TNIP3: variants seen among roughly 807,000 people sequenced by gnomAD.
The protein encoded by TNIP3 is TNFAIP3 interacting protein 3, also known as TNFAIP3-interacting protein 3.
Under a neutral mutation model 54.1 loss-of-function variants are expected in TNIP3, and 34 were observed. The observed-to-expected ratio is 0.63, with a 90% CI of 0.48 to 0.84. The LOEUF (loss-of-function observed/expected upper bound fraction) is 0.84, where lower values mean the gene tolerates loss of function less well. Among genes scored for constraint, TNIP3 ranks in the 40% least tolerant of loss-of-function variants. The probability of loss-of-function intolerance (pLI) is 0.00; values close to 1 mark genes in which losing one functional copy is unlikely to be tolerated. For synonymous variants in TNIP3, 134 were observed against 136.8 expected, an observed-to-expected ratio of 0.98 and a Z score of 0.14; for missense variants, 366 against 387.6, an observed-to-expected ratio of 0.94 and a Z score of 0.47.
At chr4:121,195,924 A>G (rs890378998) in intron 2 of TNIP3, among the ~76,000 whole-genome samples, 3 of 152,190 alleles carry the variant, frequency 2.0e-5, no homozygotes, top group Admixed American at 1.3e-4. Context: ...AATAAATGAC[A>G]TTTACACTCA....
intron 1 of TNIP3, 101 bp from the exon 2 acceptor site, chr4:121,161,317 T>C (rs960156282): frequency 3.8e-5 from 37 of 979,338 alleles, no homozygotes; most frequent in Middle Eastern, 2.1e-4. Flanking sequence ...AACTCTCCTG[T>C]TGCGATTTAA....
rs1290859825 is a variant in TNIP3 at position 121,164,108 on chromosome 4, C to G, written c.18G>C (p.Gln6His). 6.2e-7 allele frequency: 1 copy of G among 1,613,724 alleles called. No individual in the cohort carries two copies. Among genetic ancestry groups the G allele is most frequent in the African/African-American group, 1.3e-5 (1 of 74,980 alleles). ...CTGCGGCAATCATTCTAGATGTGCCCTGTACAAAATGTGCCATGGAAGCTG... is the reference window on the plus strand; with the variant it reads ...CTGCGGCAATCATTCTAGATGTGCCGTGTACAAAATGTGCCATGGAAGCTG... MAHFV[Q>H]GTSRMIAAES... Residue 6 changes from glutamine to histidine, a missense_variant, in exon 1 of 11, where the codon CAG becomes CAC. Gln to His is a conservative substitution (Grantham distance 24). Coordinates refer to ENST00000057513, the MANE Select transcript of TNIP3 (RefSeq NM_024873.6).
upstream of TNIP3, among the ~76,000 whole-genome samples, chr4:121,168,239 C>T (rs931579497): frequency 2.0e-5 from 3 of 152,050 alleles, no homozygotes; most frequent in Non-Finnish European, 2.9e-5. Flanking sequence ...CAGAGTCTCG[C>T]TCTGTCACCC....
chr4:121,158,994 C>T (rs1730282575), intron 2 of TNIP3, among the ~76,000 whole-genome samples: 1 of 152,198 alleles, frequency 6.6e-6, no homozygotes, highest in Admixed American at 6.5e-5. Flanking sequence ...GTAATCCCAC[C>T]ACTCTGGGAG....
upstream of TNIP3, among the ~76,000 whole-genome samples, chr4:121,219,168 C>A (rs184301356): frequency 2.0e-5 from 3 of 152,082 alleles, no homozygotes; most frequent in East Asian, 5.8e-4. Context: ...CCATTGCTCT[C>A]CAGCCTGGGC....
intron 10 of TNIP3, among the ~76,000 whole-genome samples, chr4:121,136,264 C>T: frequency 6.6e-6 from 1 of 152,110 alleles, no homozygotes; most frequent in Non-Finnish European, 1.5e-5. Context: ...GGGTTAAATG[C>T]TAGTCATATT....
chr4:121,172,400 C>T lies in TNIP3; in HGVS notation c.190-8254G>A, dbSNP rs1047906585. On this transcript the variant is annotated intron_variant, in intron 3 of 12. Coordinates refer to the TNIP3 transcript ENST00000507879. ...TAAGGACTAGAGATGTGCTGAGTGACCTGGAAGCTTTAGTGATTGCCAGTG... is the reference window on the plus strand; with the variant it reads ...TAAGGACTAGAGATGTGCTGAGTGATCTGGAAGCTTTAGTGATTGCCAGTG... Among the ~76,000 whole-genome samples the T allele has an allele frequency of 9.9e-5, 15 of 152,234 alleles. No homozygotes were observed. In the Middle Eastern group the frequency reaches 0.017, roughly 173 times the overall value.
intron 2 of TNIP3, among the ~76,000 whole-genome samples, chr4:121,211,114 G>A (rs999466277): frequency 3.9e-5 from 6 of 152,116 alleles, no homozygotes; most frequent in Non-Finnish European, 8.8e-5. Context: ...AAATGTCCCT[G>A]ACATAGAAAT....
chr4:121,142,060 T>C (rs930171765), intron 8 of TNIP3, 146 bp from the exon 9 acceptor site: 4 of 492,328 alleles, frequency 8.1e-6, no homozygotes, highest in Non-Finnish European at 1.4e-5. Context: ...AACATGTCAA[T>C]AGACTCAGGA....
chr4:121,194,360 AAAGAT>A (rs1340145693), intron 2 of TNIP3, among the ~76,000 whole-genome samples: 1 of 152,174 alleles, frequency 6.6e-6, no homozygotes, highest in Non-Finnish European at 1.5e-5. Flanking sequence ...ATTAAACCTA[AAAGAT>A]AAGATCTGAT....
rs1328474865 is a variant in TNIP3 at position 121,132,443 on chromosome 4, A to G, written c.*188T>C. ...GGTTGTATAATAACTGGCTCCTCCA[A>G]TTTGATCAGGATCTTAGCTGTCAGA... On this transcript the variant is annotated 3_prime_UTR_variant, in exon 11 of 11. Transcript: ENST00000057513. 2.0e-6 allele frequency: 1 copy of G among 507,930 alleles called. No individual in the cohort carries two copies. The highest frequency in any genetic ancestry group is 3.6e-5 in the Admixed American group (1 of 27,574). 31.5% of individuals were successfully genotyped at this position (507,930 alleles called of 1,614,324 possible).
chr4:121,153,857 T>G (rs1441089645), intron 5 of TNIP3, among the ~76,000 whole-genome samples: 1 of 152,222 alleles, frequency 6.6e-6, no homozygotes, highest in Non-Finnish European at 1.5e-5. Flanking sequence ...GAGAGAGGCA[T>G]ATCTCAACTC....
At chr4:121,168,914 C>T (rs575438202), upstream of TNIP3, among the ~76,000 whole-genome samples, 4 of 152,276 alleles carry the variant, frequency 2.6e-5, no homozygotes, top group Admixed American at 6.5e-5. Flanking sequence ...CTAGTTCCAC[C>T]ACTTGCTAGT....
At chr4:121,177,474 T>C (rs1255601680) in intron 3 of TNIP3, among the ~76,000 whole-genome samples, 2 of 152,236 alleles carry the variant, frequency 1.3e-5, no homozygotes, top group African/African-American at 4.8e-5. Flanking sequence ...CTTCTTTTCA[T>C]ATTCTTGGCA....
At chr4:121,155,925 A>G (rs1730056224) in intron 4 of TNIP3, among the ~76,000 whole-genome samples, 1 of 152,220 alleles carries the variant, frequency 6.6e-6, no homozygotes, top group Non-Finnish European at 1.5e-5. Context: ...AATAGAATGA[A>G]CATATACACT....
At chr4:121,204,370 A>G (rs532992045) in intron 2 of TNIP3, among the ~76,000 whole-genome samples, 1 of 152,260 alleles carries the variant, frequency 6.6e-6, no homozygotes, top group South Asian at 2.1e-4. Flanking sequence ...ACCCACTTCA[A>G]GTTGTCCTGC....
chr4:121,198,147 G>GA (rs1725700018), intron 2 of TNIP3, among the ~76,000 whole-genome samples: 1 of 139,530 alleles, frequency 7.2e-6, no homozygotes. Context: ...TTTCATTCTT[G>GA]TTTTTTTTTT....
chr4:121,149,482 C>T (rs1729614864), intron 6 of TNIP3, among the ~76,000 whole-genome samples: 3 of 152,168 alleles, frequency 2.0e-5, no homozygotes, highest in Admixed American at 6.5e-5. Context: ...AAATAAACCA[C>T]GTGGCTGGGT....
chr4:121,194,679 A>G (rs374540186), intron 2 of TNIP3, among the ~76,000 whole-genome samples: 8 of 152,210 alleles, frequency 5.3e-5, no homozygotes, highest in African/African-American at 1.7e-4. Context: ...AAAACACAAA[A>G]TAAACAAAAC....
Sources: allele counts gnomAD v4.1 joint callset (sites outside exome capture counted in the v4.1 genomes callset), GRCh38; gene constraint gnomAD v4.1.1; transcripts MANE v1.5; gene names NCBI Gene and HGNC (gene_info 2026-07-23, HGNC 2026-07-21).